The following FOXN3 variants were observed in gnomAD, a reference collection of about 807,000 sequenced individuals.
FOXN3 encodes forkhead box protein N3.
A neutral mutation model predicts 38.4 loss-of-function variants in FOXN3; 7 were observed. The ratio of observed to expected loss-of-function variants is 0.18; its 90% confidence interval spans 0.10 to 0.34. The LOEUF is 0.34. Among genes scored for constraint, FOXN3 ranks in the 10% least tolerant of loss-of-function variants. The pLI is 1.00. For synonymous variants in FOXN3, 230 were observed against 242.2 expected, an observed-to-expected ratio of 0.95 and a Z score of 0.47; for missense variants, 456 against 613.4, an observed-to-expected ratio of 0.74 and a Z score of 2.71.
chr14:89,457,479 A>T (rs2139721936), intron 1 of FOXN3, among the ~76,000 whole-genome samples: 1 of 152,312 alleles, frequency 6.6e-6, no homozygotes, highest in Non-Finnish European at 1.5e-5. Context: ...TTACCGTATG[A>T]CCTTGGGCAA....
intron 3 of FOXN3, among the ~76,000 whole-genome samples, chr14:89,323,622 G>C (rs933842471): frequency 2.9e-4 from 44 of 152,038 alleles, no homozygotes; most frequent in African/African-American, 1.0e-3. Flanking sequence ...AGGAGGCTGA[G>C]GCAGGAGAAT....
chr14:89,426,334 C>T (rs1892027721), intron 1 of FOXN3, among the ~76,000 whole-genome samples: 2 of 145,588 alleles, frequency 1.4e-5, no homozygotes, highest in South Asian at 4.4e-4. Context: ...AAGTGATTAT[C>T]CCTGCCTCAG....
chr14:89,514,764 C>G (rs1894168672), intron 1 of FOXN3, among the ~76,000 whole-genome samples: 1 of 152,224 alleles, frequency 6.6e-6, no homozygotes, highest in Non-Finnish European at 1.5e-5. Flanking sequence ...TCTTGCCATT[C>G]TACCAGCTTC....
chr14:89,420,885 T>A (rs202130835), upstream of FOXN3, among the ~76,000 whole-genome samples: 19 of 140,848 alleles, frequency 1.3e-4, no homozygotes, highest in East Asian at 4.1e-4. Context: ...AGATACGAAT[T>A]AAAAAAAAAA....
Position 89,518,278 on chromosome 14 carries a change from G to A in FOXN3, c.-15+100750C>T, listed in dbSNP as rs528655547. Among the ~76,000 whole-genome samples, 10 of 152,206 alleles carry A rather than the reference G, an allele frequency of 6.6e-5. No homozygotes were observed. The South Asian group carries it at 1.7e-3, about 25-fold the overall frequency. ...TGCAAACCTGTCAAAGCATTGCCCA[G>A]TAAAACTTCTATGTGCTTCTGCTAC... is the stretch of plus-strand genomic sequence containing the variant. On this transcript the variant is annotated intron_variant, in intron 1 of 6. Transcript: ENST00000345097.
At chr14:89,375,269 ATGT>A (rs1890444654) in intron 2 of FOXN3, among the ~76,000 whole-genome samples, 3 of 152,238 alleles carry the variant, frequency 2.0e-5, no homozygotes, top group Non-Finnish European at 2.9e-5. Flanking sequence ...CGTCAAGTAT[ATGT>A]TGTTATTATA....
intron 1 of FOXN3, among the ~76,000 whole-genome samples, chr14:89,567,813 C>T (rs1895393870): frequency 6.6e-6 from 1 of 151,278 alleles, no homozygotes; most frequent in South Asian, 2.1e-4. Flanking sequence ...AGCTCTGCCT[C>T]CCGGGTTCAC....
chr14:89,572,922 T>C (rs1010008017), intron 1 of FOXN3, among the ~76,000 whole-genome samples: 3 of 152,310 alleles, frequency 2.0e-5, no homozygotes, highest in Admixed American at 6.5e-5. Context: ...CAGGGTTCCA[T>C]GTGGCACTTC....
At chr14:89,492,091 A>G (rs929333223) in intron 1 of FOXN3, among the ~76,000 whole-genome samples, 1 of 152,258 alleles carries the variant, frequency 6.6e-6, no homozygotes, top group African/African-American at 2.4e-5. Context: ...TGAACTAGTC[A>G]TCCAAGTAGT....
rs191745578 is a variant in FOXN3 at position 89,298,729 on chromosome 14, C to T, written c.681-17715G>A. Reference sequence around the variant, plus strand: ...ACATGTTTTTACATTGCTATGAGGACGCTGTGACAAAATAACCATCCTGTC... The same window carrying T: ...ACATGTTTTTACATTGCTATGAGGATGCTGTGACAAAATAACCATCCTGTC... On this transcript the variant is annotated intron_variant, in intron 3 of 5. Transcript: ENST00000557258. Among the ~76,000 whole-genome samples the T allele has an allele frequency of 1.6e-4, 24 of 152,260 alleles. No individual in the cohort carries two copies. In the South Asian group the frequency reaches 2.5e-3, roughly 16 times the overall value.
intron 1 of FOXN3, among the ~76,000 whole-genome samples, chr14:89,430,013 C>A (rs535308620): frequency 6.6e-6 from 1 of 152,290 alleles, no homozygotes; most frequent in South Asian, 2.1e-4. Flanking sequence ...CAAGTTTAAG[C>A]AGACACAGCT....
chr14:89,574,984 C>T (rs772328774), intron 1 of FOXN3, among the ~76,000 whole-genome samples: 1 of 152,146 alleles, frequency 6.6e-6, no homozygotes, highest in African/African-American at 2.4e-5. Flanking sequence ...ACCAGCTGAT[C>T]GGTATGCAAA....
At chr14:89,377,396 G>A (rs544831161) in intron 2 of FOXN3, among the ~76,000 whole-genome samples, 17 of 152,240 alleles carry the variant, frequency 1.1e-4, no homozygotes, top group African/African-American at 3.4e-4. Context: ...GACAGACATC[G>A]AACTGAATTA....
At chr14:89,248,690 T>C (rs989811512) in intron 4 of FOXN3, among the ~76,000 whole-genome samples, 2 of 152,248 alleles carry the variant, frequency 1.3e-5, no homozygotes, top group Non-Finnish European at 2.9e-5. Context: ...AAATCGACTT[T>C]ACCCATAGGA....
intron 4 of FOXN3, among the ~76,000 whole-genome samples, chr14:89,188,218 T>C (rs1056171691): frequency 2.0e-5 from 3 of 152,116 alleles, no homozygotes; most frequent in Admixed American, 6.5e-5. Flanking sequence ...TCAATGTAAA[T>C]AGGACCGTGG....
At chr14:89,487,452 C>T (rs1893472707) in intron 1 of FOXN3, among the ~76,000 whole-genome samples, 1 of 152,202 alleles carries the variant, frequency 6.6e-6, no homozygotes, top group Non-Finnish European at 1.5e-5. Context: ...AATGCAAATT[C>T]TTGGCCCCTA....
chr14:89,262,577 T>G (rs142515701), intron 4 of FOXN3, among the ~76,000 whole-genome samples: 1 of 152,162 alleles, frequency 6.6e-6, no homozygotes. Flanking sequence ...GTAACTAACC[T>G]TAACTAAAAA....
chr14:89,207,346 AC>A (rs1196956618), intron 4 of FOXN3, among the ~76,000 whole-genome samples: 8 of 152,186 alleles, frequency 5.3e-5, no homozygotes, highest in African/African-American at 1.4e-4. Flanking sequence ...TAAAAAAAAA[AC>A]AACTGGCTAA....
At chr14:89,583,877 G>T (rs1456643387) in intron 1 of FOXN3, among the ~76,000 whole-genome samples, 2 of 150,748 alleles carry the variant, frequency 1.3e-5, no homozygotes, top group East Asian at 4.0e-4. Context: ...TTATTTTTTA[G>T]ATGGAGTCTT....
Sources: allele counts gnomAD v4.1 joint callset (sites outside exome capture counted in the v4.1 genomes callset), GRCh38; gene constraint gnomAD v4.1.1; transcripts MANE v1.5; gene names NCBI Gene and HGNC (gene_info 2026-07-23, HGNC 2026-07-21).